ALK: variants seen among roughly 807,000 people sequenced by gnomAD.
ALK encodes ALK receptor tyrosine kinase.
A neutral mutation model predicts 163.1 loss-of-function variants in ALK; 74 were observed. The ratio of observed to expected loss-of-function variants is 0.45; its 90% CI spans 0.38 to 0.55. The LOEUF is 0.55. Ranked by LOEUF, ALK falls within the 20% of genes least tolerant of loss-of-function variation. ALK has a pLI of 0.00. For missense variants in ALK, 2,063 were observed against 2,105.3 expected, an observed-to-expected ratio of 0.98 and a Z score of 0.39; for synonymous variants, 960 against 843.2, an observed-to-expected ratio of 1.14 and a Z score of -2.40.
chr2:29,221,338 C>G (rs1196635575), intron 22 of ALK: 6 of 451,688 alleles, frequency 1.3e-5, no homozygotes, highest in South Asian at 5.7e-5. Flanking sequence ...ATGGGAGGGA[C>G]CAAGACTTGG....
chr2:29,585,728 T>C (rs866303788), intron 3 of ALK, among the ~76,000 whole-genome samples: 2 of 152,106 alleles, frequency 1.3e-5, no homozygotes, highest in Non-Finnish European at 2.9e-5. Context: ...ATATTAAATA[T>C]TCTCTATATT....
chr2:29,531,512 A>G (rs12714290), intron 4 of ALK, among the ~76,000 whole-genome samples: 77,644 of 152,016 alleles, frequency 0.51, 20,721 homozygotes, highest in Non-Finnish European at 0.59. Context: ...TGGCCAAAGT[A>G]CTTTGTCCTT....
intron 3 of ALK, among the ~76,000 whole-genome samples, chr2:29,565,560 C>A (rs535340600): frequency 6.6e-6 from 1 of 152,158 alleles, no homozygotes; most frequent in Non-Finnish European, 1.5e-5. Context: ...CCTAAACAAA[C>A]AAGAAGAGCC....
intron 3 of ALK, among the ~76,000 whole-genome samples, chr2:29,562,942 G>A (rs1674069432): frequency 6.6e-6 from 1 of 152,172 alleles, no homozygotes; most frequent in African/African-American, 2.4e-5. Flanking sequence ...CCAAAGGTAA[G>A]CTAAGATCAA....
At chr2:29,617,844 C>A (rs567804222) in intron 3 of ALK, among the ~76,000 whole-genome samples, 8 of 152,336 alleles carry the variant, frequency 5.3e-5, no homozygotes, top group East Asian at 3.9e-4. Context: ...GTGACTATTG[C>A]CATCATCTTT....
chr2:29,459,489 C>T lies in ALK; in HGVS notation c.1154+72426G>A, dbSNP rs186905809. Among the ~76,000 whole-genome samples, 526 of 152,042 alleles carry T rather than the reference C, an allele frequency of 3.5e-3. 3 individuals carry two copies. Among genetic ancestry groups the T allele is most frequent in the African/African-American group, 0.01 (424 of 41,464 alleles). Reference sequence around the variant, plus strand: ...CATAAGTCCCTATCTAATCCTCAGGCGGAAATCTTTGATTGTTGCAAACTC... The same window carrying T: ...CATAAGTCCCTATCTAATCCTCAGGTGGAAATCTTTGATTGTTGCAAACTC... On this transcript the variant is annotated intron_variant, in intron 4 of 28. Coordinates refer to ENST00000389048, the MANE Select transcript of ALK (RefSeq NM_004304.5).
intron 3 of ALK, among the ~76,000 whole-genome samples, chr2:29,587,488 G>C (rs1017715589): frequency 6.6e-6 from 1 of 152,162 alleles, no homozygotes; most frequent in African/African-American, 2.4e-5. Flanking sequence ...TTTCCCCCCT[G>C]AGGTGAACTA....
rs553746064 is a variant in ALK, at chr2:29,842,069, C to T, written c.667+77924G>A. 3.9e-5 allele frequency among the ~76,000 whole-genome samples: 6 copies of T among 151,932 alleles called. No homozygotes were observed. The South Asian group carries it at 1.3e-3, about 32-fold the overall frequency. The stretch of plus-strand genomic sequence containing the variant: ...TCCCTCCCTCTTTTTCTCCATCCTC[C>T]CCCCTCCTTCCTTCCCTCCTTCTCT... On this transcript the variant is annotated intron_variant, in intron 1 of 28. Coordinates refer to ENST00000389048, the MANE Select transcript of ALK (RefSeq NM_004304.5).
At chr2:29,386,450 T>A (rs529577178) in intron 4 of ALK, among the ~76,000 whole-genome samples, 1 of 152,206 alleles carries the variant, frequency 6.6e-6, no homozygotes, top group Admixed American at 6.5e-5. Context: ...CTTAAGGAGA[T>A]AAACAAAAAG....
intron 5 of ALK, among the ~76,000 whole-genome samples, chr2:29,358,718 G>T (rs1356390328): frequency 6.6e-6 from 1 of 152,100 alleles, no homozygotes; most frequent in Non-Finnish European, 1.5e-5. Flanking sequence ...AATAAACTGT[G>T]GTCTCAGTGA....
In ALK at chr2:29,447,449, G is replaced by A. The variant is rs373602069; in HGVS notation, c.1155-63590C>T. Among the ~76,000 whole-genome samples the A allele has an allele frequency of 2.6e-5, 4 of 152,102 alleles. No homozygotes were observed. The South Asian group carries it at 8.3e-4, about 32-fold the overall frequency. ...ATTATTTTGAGCAGCACAGCAAGGA[G>A]TGGCTTTAGGAGGGAAAAAAAAAAT... On this transcript the variant is annotated intron_variant, in intron 4 of 28. Coordinates refer to ENST00000389048, the MANE Select transcript of ALK (RefSeq NM_004304.5).
At chr2:29,368,496 T>G (rs1668565764) in intron 5 of ALK, among the ~76,000 whole-genome samples, 1 of 152,210 alleles carries the variant, frequency 6.6e-6, no homozygotes, top group Non-Finnish European at 1.5e-5. Context: ...GAATTTGAAT[T>G]CTCTAGTAAA....
chr2:29,528,366 G>T (rs1355789040), intron 4 of ALK, among the ~76,000 whole-genome samples: 1 of 152,310 alleles, frequency 6.6e-6, no homozygotes, highest in East Asian at 1.9e-4. Flanking sequence ...ACAGACAATT[G>T]CTGCTGGATT....
In ALK at chr2:29,232,613, T is replaced by C. The variant is rs76337448; in HGVS notation, c.2488-165A>G. 3.6e-3 allele frequency among the ~76,000 whole-genome samples: 551 copies of C among 152,316 alleles called. 5 individuals are homozygous for C. Among genetic ancestry groups the C allele is most frequent in the African/African-American group, 0.012 (515 of 41,570 alleles). On this transcript the variant is annotated intron_variant, in intron 14 of 28. Coordinates refer to ENST00000389048, the MANE Select transcript of ALK (RefSeq NM_004304.5). Reference sequence around the variant, plus strand: ...TGCGGGCTCTGAACCCTTGTTACAATAGCCCATCGGCTCCGCCAGCTTCTC... The same window carrying C: ...TGCGGGCTCTGAACCCTTGTTACAACAGCCCATCGGCTCCGCCAGCTTCTC...
chr2:29,425,178 A>G (rs1670104123), intron 4 of ALK, among the ~76,000 whole-genome samples: 1 of 152,214 alleles, frequency 6.6e-6, no homozygotes. Context: ...AAAAATTAAG[A>G]GAAGCTACTA....
chr2:29,660,835 T>C (rs1005554529), intron 3 of ALK, among the ~76,000 whole-genome samples: 6 of 152,088 alleles, frequency 3.9e-5, no homozygotes, highest in Non-Finnish European at 8.8e-5. Flanking sequence ...TTATGTCTCT[T>C]CCTGAATGTG....
intron 1 of ALK, among the ~76,000 whole-genome samples, chr2:29,760,169 A>G (rs898185594): frequency 2.0e-5 from 3 of 151,956 alleles, no homozygotes; most frequent in African/African-American, 7.3e-5. Context: ...GCCCCCCTAC[A>G]CACCCACACA....
chr2:29,804,401 G>A (rs982493698), intron 1 of ALK, among the ~76,000 whole-genome samples: 11 of 152,180 alleles, frequency 7.2e-5, no homozygotes, highest in East Asian at 3.8e-4. Flanking sequence ...AGCCTAACAC[G>A]GACTAATGCC....
intron 18 of ALK, 26 bp from the exon 19 acceptor site, chr2:29,225,591 T>C (rs568948729): frequency 3.0e-5 from 48 of 1,583,320 alleles, no homozygotes; most frequent in East Asian, 4.5e-5. Flanking sequence ...CACTGGGGTA[T>C]TGACAACCAC....
Sources: gnomAD v4.1 joint callset for allele counts (sites outside exome capture counted in the v4.1 genomes callset) on GRCh38, gnomAD v4.1.1 for gene constraint, MANE v1.5 for transcripts, NCBI Gene and HGNC (gene_info 2026-07-23, HGNC 2026-07-21) for gene names.